SLC22A23: variants seen among roughly 807,000 people sequenced by gnomAD.
The protein encoded by SLC22A23 is solute carrier family 22 member 23.
Under a neutral mutation model 61.0 loss-of-function variants are expected in SLC22A23, and 26 were observed. That is an observed-to-expected ratio of 0.43 (90% CI 0.31 to 0.59). The LOEUF is 0.59. Among genes scored for constraint, SLC22A23 ranks in the 20% least tolerant of loss-of-function variants. The probability of loss-of-function intolerance (pLI) is 0.11; values close to 1 mark genes in which losing one functional copy is unlikely to be tolerated. For missense variants in SLC22A23, 796 were observed against 934.7 expected (o/e 0.85, Z 1.94); for synonymous variants, 430 against 413.9 (o/e 1.04, Z -0.47).
chr6:3,382,449 A>G (rs188650743), intron 3 of SLC22A23, among the ~76,000 whole-genome samples: 1 of 152,346 alleles, frequency 6.6e-6, no homozygotes, highest in African/African-American at 2.4e-5. Context: ...TCAAGGCCTT[A>G]TGAGGTATCA....
intron 8 of SLC22A23, among the ~76,000 whole-genome samples, chr6:3,284,358 G>A (rs2127311274): frequency 6.6e-6 from 1 of 152,352 alleles, no homozygotes; most frequent in Admixed American, 6.5e-5. Flanking sequence ...GGACAGGGTA[G>A]CTGAGTCAGG....
intron 3 of SLC22A23, among the ~76,000 whole-genome samples, chr6:3,359,558 G>A (rs1349073206): frequency 6.6e-6 from 1 of 152,044 alleles, no homozygotes; most frequent in East Asian, 1.9e-4. Context: ...TGACAAGAAT[G>A]TGGGGAAACT....
intron 4 of SLC22A23, 170 bp downstream of exon 4, chr6:3,323,664 C>T: frequency 2.6e-6 from 2 of 776,430 alleles, no homozygotes; most frequent in African/African-American, 3.5e-5. Context: ...TTTTCCAAGA[C>T]AGAAAGTTTA....
intron 1 of SLC22A23, among the ~76,000 whole-genome samples, chr6:3,437,041 G>A (rs1027462880): frequency 2.0e-5 from 3 of 152,124 alleles, no homozygotes; most frequent in African/African-American, 7.2e-5. Flanking sequence ...GGTCATTTCA[G>A]CTTCGCAAAA....
At position 3,284,560 on chromosome 6, in the gene SLC22A23, A is replaced by G. The variant is rs1322629319; in HGVS notation, c.1579+519T>C. 2.0e-5 allele frequency among the ~76,000 whole-genome samples: 3 copies of G among 152,184 alleles called. No homozygotes were observed. In the East Asian group the frequency reaches 5.8e-4, roughly 29 times the overall value. On this transcript the variant is annotated intron_variant, in intron 8 of 9. Transcript: ENST00000406686. ...GCTCAGCTTCCCCAAGGCTGCATAG[A>G]GGGCAAGCACTCTCCAGGGACACGG...
chr6:3,294,701 G>A (rs1760920571), intron 5 of SLC22A23, among the ~76,000 whole-genome samples: 1 of 152,146 alleles, frequency 6.6e-6, no homozygotes, highest in South Asian at 2.1e-4. Flanking sequence ...TCAGCAGTTG[G>A]GCACGTTATG....
chr6:3,322,897 G>T lies in SLC22A23; in HGVS notation c.1082+937C>A, dbSNP rs146899980. Among the ~76,000 whole-genome samples the T allele has an allele frequency of 3.8e-3, 583 of 152,244 alleles. 3 individuals carry two copies. The highest frequency in any genetic ancestry group is 0.013 in the African/African-American group (553 of 41,520). On this transcript the variant is annotated intron_variant, in intron 4 of 9. Coordinates refer to ENST00000406686, the MANE Select transcript of SLC22A23 (RefSeq NM_015482.2). The surrounding 1 kb of genome is among the most constrained non-coding windows in gnomAD (Gnocchi z 4.1). ...GGGCCACATCCATGATCTACTTATGGGTAAGGTGAGAGTATCAGCATGGAG... is the reference window on the plus strand; with the variant it reads ...GGGCCACATCCATGATCTACTTATGTGTAAGGTGAGAGTATCAGCATGGAG...
intron 3 of SLC22A23, among the ~76,000 whole-genome samples, chr6:3,401,163 A>G (rs1581821390): frequency 6.6e-6 from 1 of 152,174 alleles, no homozygotes; most frequent in South Asian, 2.1e-4. Context: ...CCAACATGGC[A>G]AAACCCCGTC....
intron 5 of SLC22A23, among the ~76,000 whole-genome samples, chr6:3,296,181 G>C (rs930665043): frequency 6.6e-6 from 1 of 152,208 alleles, no homozygotes; most frequent in Non-Finnish European, 1.5e-5. Flanking sequence ...GGGGAAATCT[G>C]GGAAAGCCAT....
intron 9 of SLC22A23, among the ~76,000 whole-genome samples, chr6:3,277,999 G>A (rs1259975135): frequency 6.6e-6 from 1 of 152,226 alleles, no homozygotes; most frequent in African/African-American, 2.4e-5. Flanking sequence ...CACAGCCCGT[G>A]AGGAAACAGC....
chr6:3,361,115 A>G (rs12525307), intron 3 of SLC22A23, among the ~76,000 whole-genome samples: 20,019 of 149,140 alleles, frequency 0.13, 1,894 homozygotes, highest in African/African-American at 0.26. Flanking sequence ...TAAGACCCCA[A>G]CCAGCTGTGA....
chr6:3,347,427 G>A (rs776200750), intron 3 of SLC22A23, among the ~76,000 whole-genome samples: 10 of 152,140 alleles, frequency 6.6e-5, no homozygotes, highest in African/African-American at 1.9e-4. Flanking sequence ...GCATCATCAC[G>A]GCTGACCTCT....
At chr6:3,448,656 C>G (rs4317456) in intron 1 of SLC22A23, among the ~76,000 whole-genome samples, 123,804 of 152,174 alleles carry the variant, frequency 0.81, 51,129 homozygotes, top group African/African-American at 0.95. Flanking sequence ...ACCACGCCCT[C>G]CTAATTTTTT....
chr6:3,341,214 A>C (rs2127422198), intron 3 of SLC22A23, among the ~76,000 whole-genome samples: 1 of 152,316 alleles, frequency 6.6e-6, no homozygotes, highest in Non-Finnish European at 1.5e-5. Context: ...GTTTCTCAGA[A>C]AGCCCTCCCT....
At chr6:3,312,483 G>C (rs1045691502) in intron 4 of SLC22A23, 2 of 152,170 alleles carry the variant, frequency 1.3e-5, no homozygotes, top group African/African-American at 4.8e-5. Flanking sequence ...CTCCTGAGCA[G>C]AATTTTATCC....
intron 3 of SLC22A23, among the ~76,000 whole-genome samples, chr6:3,389,423 C>T (rs1054147572): frequency 2.0e-5 from 3 of 152,082 alleles, no homozygotes; most frequent in African/African-American, 7.2e-5. Context: ...TTTTCTATCA[C>T]AATTGAAATT....
chr6:3,453,558 C>T (rs2127560896), intron 1 of SLC22A23, among the ~76,000 whole-genome samples: 1 of 152,280 alleles, frequency 6.6e-6, no homozygotes, highest in South Asian at 2.1e-4. Context: ...CCAGCAGCCA[C>T]ATGAGAAAGA....
chr6:3,352,715 G>A (rs1415081114), intron 3 of SLC22A23, among the ~76,000 whole-genome samples: 2 of 152,178 alleles, frequency 1.3e-5, no homozygotes, highest in African/African-American at 2.4e-5. Context: ...CAAGCTTCCT[G>A]GAGGTCTGAG....
Position 3,333,487 on chromosome 6 carries a change from C to T in SLC22A23, c.914-9485G>A, listed in dbSNP as rs1763688125. On this transcript the variant is annotated intron_variant, in intron 3 of 9. Coordinates refer to ENST00000406686, the MANE Select transcript of SLC22A23 (RefSeq NM_015482.2). The surrounding 1 kb of genome is among the most constrained non-coding windows in gnomAD (Gnocchi z 4.1). ...TCCCCGCCCCATCGCTCCACTTCAG[C>T]CACACTGGCCTCCCTGCTGCTCCTC... 6.6e-6 allele frequency among the ~76,000 whole-genome samples: 1 copy of T among 152,118 alleles called. No individual in the cohort carries two copies. Among genetic ancestry groups the T allele is most frequent in the African/African-American group, 2.4e-5 (1 of 41,418 alleles).
Sources: gnomAD v4.1 joint callset for allele counts (sites outside exome capture counted in the v4.1 genomes callset) on GRCh38, gnomAD v4.1.1 for gene constraint, Gnocchi (gnomAD v3.1) non-coding constraint, MANE v1.5 for transcripts, NCBI Gene and HGNC (gene_info 2026-07-23, HGNC 2026-07-21) for gene names.